Variants in SIAE observed in about 807,000 individuals in gnomAD.
The protein encoded by SIAE is sialate O-acetylesterase.
SIAE carries 39 observed loss-of-function variants against 52.6 expected under a neutral mutation model. The observed-to-expected ratio is 0.74, with a 90% CI of 0.57 to 0.97. The LOEUF (loss-of-function observed/expected upper bound fraction) is 0.97, where lower values mean the gene tolerates loss of function less well. SIAE is among the 50% of genes least tolerant of loss of function. The pLI is 0.00. For missense variants in SIAE, 592 were observed against 662.1 expected, an observed-to-expected ratio of 0.89 and a Z score of 1.16; for synonymous variants, 233 against 241.4, an observed-to-expected ratio of 0.97 and a Z score of 0.32.
At position 124,634,770 on chromosome 11, in the gene SIAE, A is replaced by C. The variant is rs989177381; in HGVS notation, c.*2181T>G. On this transcript the variant is annotated 3_prime_UTR_variant, in exon 10 of 10. Coordinates refer to ENST00000263593, the MANE Select transcript of SIAE (RefSeq NM_170601.5). The stretch of plus-strand genomic sequence containing the variant: ...AGAAAATTATTTTGGTAAAGTAAGT[A>C]AGTCAAAAACACAGATTACAAAATA... 4 of 152,228 alleles carry C rather than the reference A, an allele frequency of 2.6e-5. No individual in the cohort carries two copies. Among genetic ancestry groups the C allele is most frequent in the Non-Finnish European group, 4.4e-5 (3 of 68,050 alleles). 9.4% of individuals were successfully genotyped at this position (152,228 alleles called of 1,614,324 possible).
At position 124,648,061 on chromosome 11, in the gene SIAE, C is replaced by CT; in HGVS notation, c.832+4dup. 1 of 1,606,678 alleles carries CT rather than the reference C, an allele frequency of 6.2e-7. No homozygotes were observed. Among genetic ancestry groups the CT allele is most frequent in the South Asian group, 1.1e-5 (1 of 90,920 alleles). On this transcript the variant is annotated splice_donor_region_variant and intron_variant, in intron 6 of 9. Transcript: ENST00000263593. Reference sequence around the variant, plus strand: ...CAATGGAGAAAGAGTACACTGAACACTTACCCTGGTACCATACTACCCCTT... The same window carrying CT: ...CAATGGAGAAAGAGTACACTGAACACTTTACCCTGGTACCATACTACCCCTT...
chr11:124,661,944 C>T (rs1427211786), intron 2 of SIAE, among the ~76,000 whole-genome samples: 2 of 152,180 alleles, frequency 1.3e-5, no homozygotes, highest in Non-Finnish European at 2.9e-5. Context: ...TTCTAATCAG[C>T]AAGAGCTAAG....
At chr11:124,657,490 G>A (rs771113598) in intron 3 of SIAE, among the ~76,000 whole-genome samples, 17 of 152,210 alleles carry the variant, frequency 1.1e-4, no homozygotes, top group Non-Finnish European at 2.2e-4. Flanking sequence ...ACAGTGAGAC[G>A]CCAGCTTGGG....
At chr11:124,672,710 G>C (rs2134398259) in intron 1 of SIAE, among the ~76,000 whole-genome samples, 1 of 152,298 alleles carries the variant, frequency 6.6e-6, no homozygotes, top group Middle Eastern at 3.4e-3. Context: ...GGCATACAGA[G>C]TGCTAGCATT....
At chr11:124,650,687 C>T (rs916090488) in intron 4 of SIAE, among the ~76,000 whole-genome samples, 25 of 152,044 alleles carry the variant, frequency 1.6e-4, no homozygotes, top group African/African-American at 5.8e-4. Context: ...GCAGGAGAAT[C>T]GCTTGAACCT....
intron 2 of SIAE, among the ~76,000 whole-genome samples, chr11:124,664,015 T>C (rs1251322490): frequency 6.6e-6 from 1 of 152,218 alleles, no homozygotes; most frequent in African/African-American, 2.4e-5. Context: ...TTTCAGTGCA[T>C]TCAAATCTCT....
chr11:124,652,115 G>A lies in SIAE; in HGVS notation c.545-2319C>T, dbSNP rs150321472. On this transcript the variant is annotated intron_variant, in intron 4 of 9. Transcript: ENST00000263593. ...AGATAAGACTGGAGGGGAGGTTAGA[G>A]CCACATCTTGGAGTAAAGAAAATGG... 1.3e-4 allele frequency among the ~76,000 whole-genome samples: 20 copies of A among 152,300 alleles called. No homozygotes were observed. In the East Asian group the frequency reaches 3.5e-3, roughly 26 times the overall value.
chr11:124,673,758 C>T (rs1379723520), upstream of SIAE: 6 of 1,597,202 alleles, frequency 3.8e-6, no homozygotes, highest in Middle Eastern at 1.7e-4. Flanking sequence ...GGGTTCCCGG[C>T]AGGGGCGGGG....
chr11:124,675,908 G>A (rs1943457169), upstream of SIAE: 1 of 153,538 alleles, frequency 6.5e-6, no homozygotes, highest in East Asian at 1.9e-4. Flanking sequence ...ATTCACTGGG[G>A]TATATGAAAC....
chr11:124,638,433 C>G (rs1451697803), intron 9 of SIAE, 109 bp downstream of exon 9: 2 of 1,253,622 alleles, frequency 1.6e-6, no homozygotes, highest in East Asian at 2.5e-5. Flanking sequence ...CAGCCCCCAA[C>G]CAACCAAGAC....
intron 9 of SIAE, 110 bp from the exon 10 acceptor site, chr11:124,637,312 C>A: frequency 2.0e-6 from 3 of 1,464,082 alleles, no homozygotes; most frequent in Non-Finnish European, 2.9e-6. Flanking sequence ...CACTCTTCAC[C>A]AAGGACCTAC....
chr11:124,637,083 A>G lies in SIAE; in HGVS notation c.1440T>C (p.Tyr480=), dbSNP rs140354193. ...SCHGTVVALR[Y]AWTTWPCEYK... is the part of the protein sequence containing the mutation. Reference sequence around the variant, plus strand: ...ATTCACAAGGCCACGTGGTCCAAGCATAGCGGAGAGCAACCACAGTGCCAT... The same window carrying G: ...ATTCACAAGGCCACGTGGTCCAAGCGTAGCGGAGAGCAACCACAGTGCCAT... Residue 480 remains tyrosine (Y), a synonymous_variant, in exon 10 of 10, where the codon TAT becomes TAC. Coordinates refer to ENST00000263593, the MANE Select transcript of SIAE (RefSeq NM_170601.5). The G allele has an allele frequency of 2.7e-5, 43 of 1,614,072 alleles. No homozygotes were observed. The highest frequency in any genetic ancestry group is 2.8e-5 in the Non-Finnish European group (33 of 1,180,036).
At chr11:124,637,237 T>C (rs1232526661) in intron 9 of SIAE, 35 bp from the exon 10 acceptor site, 1 of 1,613,636 alleles carries the variant, frequency 6.2e-7, no homozygotes, top group South Asian at 1.1e-5. Flanking sequence ...AATGATTAGG[T>C]CAGAAGGGTC....
At chr11:124,657,940 A>G (rs1002932437) in intron 3 of SIAE, among the ~76,000 whole-genome samples, 3 of 152,242 alleles carry the variant, frequency 2.0e-5, no homozygotes, top group Non-Finnish European at 4.4e-5. Flanking sequence ...TGCTGAGATC[A>G]GATTTCATCT....
rs959224959 is a variant in SIAE, at chr11:124,670,629, A to C, written c.68-1108T>G. 1.3e-5 allele frequency among the ~76,000 whole-genome samples: 2 copies of C among 152,192 alleles called. No individual in the cohort carries two copies. The highest frequency in any genetic ancestry group is 2.9e-5 in the Non-Finnish European group (2 of 68,034). On this transcript the variant is annotated intron_variant, in intron 1 of 9. Transcript: ENST00000263593. This position sits in a 1 kb window ranked among gnomAD's most constrained non-coding sequence, Gnocchi z 4.5. ...ACATTTTCCTCCCTGGAAGCTACAA[A>C]TGATGAGGGCCCCTTCGGCTATACT...
chr11:124,644,188 T>G (rs114228921), intron 7 of SIAE, among the ~76,000 whole-genome samples: 2,398 of 152,152 alleles, frequency 0.016, 29 homozygotes, highest in Non-Finnish European at 0.02. Flanking sequence ...AAGGTGCCAC[T>G]GAAGCCTCAC....
chr11:124,642,300 G>T (rs570145029), intron 7 of SIAE, among the ~76,000 whole-genome samples: 361 of 152,336 alleles, frequency 2.4e-3, no homozygotes, highest in African/African-American at 8.5e-3. Context: ...TTATCAGTCA[G>T]CTCATGTATT....
chr11:124,652,255 G>A (rs971137586), intron 4 of SIAE, among the ~76,000 whole-genome samples: 7 of 152,270 alleles, frequency 4.6e-5, no homozygotes, highest in South Asian at 2.1e-4. Context: ...CTTGCATGGC[G>A]AAAGGCACTT....
At chr11:124,644,521 G>A (rs998668519) in intron 7 of SIAE, among the ~76,000 whole-genome samples, 1 of 152,052 alleles carries the variant, frequency 6.6e-6, no homozygotes, top group East Asian at 1.9e-4. Context: ...TGGGGGCACC[G>A]GCGTACTCCA....
Sources: gnomAD v4.1 joint callset for allele counts (sites outside exome capture counted in the v4.1 genomes callset) on GRCh38, gnomAD v4.1.1 for gene constraint, Gnocchi (gnomAD v3.1) non-coding constraint, MANE v1.5 for transcripts, NCBI Gene and HGNC (gene_info 2026-07-23, HGNC 2026-07-21) for gene names.